ZNF793: variants seen among roughly 807,000 people sequenced by gnomAD.
The protein encoded by ZNF793 is zinc finger protein 793.
ZNF793 carries 5 observed loss-of-function variants against 12.4 expected under a neutral mutation model. The ratio of observed to expected loss-of-function variants is 0.40; its 90% CI spans 0.21 to 0.84. The LOEUF is 0.84. ZNF793 is among the 40% of genes least tolerant of loss of function. The pLI is 0.35. For synonymous variants in ZNF793, 162 were observed against 172.4 expected (o/e 0.94, Z 0.47); for missense variants, 456 against 495.0 (o/e 0.92, Z 0.75).
At chr19:37,534,476 C>G (rs1338409415) in intron 7 of ZNF793, 4 of 151,078 alleles carry the variant, frequency 2.6e-5, no homozygotes, top group Non-Finnish European at 5.9e-5. Context: ...CCTTGCTACC[C>G]CTGCCACACA....
Position 37,532,410 on chromosome 19 carries a change from C to T in ZNF793, c.70C>T (p.Arg24Trp), listed in dbSNP as rs201422659. 120 of 1,614,058 alleles carry T rather than the reference C, an allele frequency of 7.4e-5. No individual in the cohort carries two copies. The Admixed American group carries it at 1.3e-3, about 17-fold the overall frequency. The change falls in exon 6 of 8, where the codon CGG (arginine) becomes TGG (tryptophan). Residue 24 changes from arginine (R) to tryptophan (W), a missense_variant. Transcript: ENST00000627814. The stretch of plus-strand genomic sequence containing the variant: ...GGGCTTCACCCAAGAGGAGTGGCAC[C>T]GGCTGAGTCCTGCTCAGAGGGCCCT... ...VVGFTQEEWHRLSPAQRALYR... is the reference protein window; with the variant it reads ...VVGFTQEEWHWLSPAQRALYR...
chr19:37,532,520 G>A (rs750714541), intron 6 of ZNF793, 38 bp downstream of exon 6: 6 of 1,523,494 alleles, frequency 3.9e-6, no homozygotes, highest in East Asian at 2.4e-5. Context: ...GATTATGTTC[G>A]AATGACCACC....
intron 2 of ZNF793, among the ~76,000 whole-genome samples, chr19:37,515,164 GA>G (rs2042321217): frequency 4.6e-5 from 7 of 152,072 alleles, no homozygotes. Flanking sequence ...GACAAGACAA[GA>G]AAAAACTGTA....
chr19:37,524,449 C>G (rs2042398536), intron 5 of ZNF793, among the ~76,000 whole-genome samples: 1 of 152,068 alleles, frequency 6.6e-6, no homozygotes, highest in Admixed American at 6.6e-5. Context: ...AGTAGTGATG[C>G]AAGGAACATT....
At chr19:37,531,605 T>C (rs956052167) in intron 5 of ZNF793, among the ~76,000 whole-genome samples, 2 of 152,256 alleles carry the variant, frequency 1.3e-5, no homozygotes, top group Admixed American at 6.5e-5. Context: ...CAGTTTTCCA[T>C]CTTCCTGCGG....
intron 2 of ZNF793, among the ~76,000 whole-genome samples, chr19:37,515,905 T>C (rs528856218): frequency 6.6e-6 from 1 of 152,048 alleles, no homozygotes; most frequent in East Asian, 1.9e-4. Context: ...TTGCCCCAAA[T>C]TGTAACAGAA....
intron 3 of ZNF793, among the ~76,000 whole-genome samples, chr19:37,521,969 G>C (rs1034976236): frequency 6.6e-6 from 1 of 151,892 alleles, no homozygotes; most frequent in African/African-American, 2.4e-5. Context: ...TTGCAGACAT[G>C]ATGCTCCTTT....
At chr19:37,506,471 C>T (rs879718268), upstream of ZNF793, 5 of 152,258 alleles carry the variant, frequency 3.3e-5, no homozygotes, top group Admixed American at 3.3e-4. Flanking sequence ...TCGCTGCTCT[C>T]TAACTCCTAG....
intron 2 of ZNF793, among the ~76,000 whole-genome samples, chr19:37,509,171 G>A (rs79089337): frequency 0.027 from 4,053 of 152,260 alleles, 229 homozygotes; most frequent in East Asian, 0.18. Flanking sequence ...TGGGCTTTTA[G>A]TGTAACTATC....
chr19:37,514,770 G>A (rs2042318558), intron 2 of ZNF793, among the ~76,000 whole-genome samples: 1 of 151,946 alleles, frequency 6.6e-6, no homozygotes, highest in Non-Finnish European at 1.5e-5. Context: ...TGTAAAATTA[G>A]CAATATGTTA....
At position 37,543,187 on chromosome 19, in the gene ZNF793, GA is replaced by G. The variant is rs753611587; in HGVS notation, c.*5310del. 6.6e-5 allele frequency: 10 copies of G among 152,220 alleles called. No individual in the cohort carries two copies. The East Asian group carries it at 1.2e-3, about 18-fold the overall frequency. 9.4% of individuals were successfully genotyped at this position (152,220 alleles called of 1,614,324 possible). On this transcript the variant is annotated 3_prime_UTR_variant, in exon 8 of 8. Coordinates refer to ENST00000627814, the MANE Select transcript of ZNF793 (RefSeq NM_001013659.3). ...TATATGAACATAGAAAAGTGTAGAA[GA>G]ATACACACGAAGGTGTTAACATTCA...
intron 5 of ZNF793, among the ~76,000 whole-genome samples, chr19:37,527,098 C>G (rs1054016753): frequency 6.6e-6 from 1 of 152,208 alleles, no homozygotes; most frequent in Non-Finnish European, 1.5e-5. Flanking sequence ...TAGGCATGCA[C>G]CATCACGCCC....
At chr19:37,518,100 C>T (rs962768522) in intron 2 of ZNF793, among the ~76,000 whole-genome samples, 6 of 152,000 alleles carry the variant, frequency 3.9e-5, no homozygotes, top group East Asian at 1.9e-4. Flanking sequence ...AGTTCCAAGT[C>T]GGAGTACACC....
At chr19:37,536,793 A>G (rs1006268471) in intron 7 of ZNF793, 104 bp from the exon 8 acceptor site, 5 of 1,310,152 alleles carry the variant, frequency 3.8e-6, no homozygotes, top group Admixed American at 2.9e-5. Flanking sequence ...GCTTTGGGTT[A>G]TGGTTCATGT....
intron 2 of ZNF793, among the ~76,000 whole-genome samples, chr19:37,511,508 T>C (rs1482765997): frequency 6.6e-6 from 1 of 151,922 alleles, no homozygotes; most frequent in East Asian, 1.9e-4. Flanking sequence ...CCATCTCTAC[T>C]AAAAATACAA....
chr19:37,532,446 G>T lies in ZNF793; in HGVS notation c.106G>T (p.Val36Leu). The change falls in exon 6 of 8, where the codon GTG becomes TTG. Residue 36 changes from valine (V) to leucine (L), a missense_variant. Coordinates refer to ENST00000627814, the MANE Select transcript of ZNF793 (RefSeq NM_001013659.3). ...TGCTCAGAGGGCCCTGTACCGGGAT[G>T]TGATGCTGGAAACCTATAGCAACCT... The part of the protein sequence containing the change: ...SPAQRALYRD[V>L]MLETYSNLVS... 1.2e-6 allele frequency: 2 copies of T among 1,612,916 alleles called. No individual in the cohort carries two copies. The highest frequency in any genetic ancestry group is 2.2e-5 in the South Asian group (2 of 91,026).
intron 2 of ZNF793, among the ~76,000 whole-genome samples, chr19:37,509,445 C>T (rs1433533617): frequency 6.6e-6 from 1 of 152,052 alleles, no homozygotes. Flanking sequence ...TTTATGTAAC[C>T]TTCAGACAAA....
Position 37,539,042 on chromosome 19 carries a change from C to T in ZNF793, c.*1163C>T, listed in dbSNP as rs755038449. 1.3e-5 allele frequency: 2 copies of T among 152,130 alleles called. No individual in the cohort carries two copies. The highest frequency in any genetic ancestry group is 2.9e-5 in the Non-Finnish European group (2 of 68,034). The allele number at this position is 152,130 out of a possible 1,614,324, so 9.4% of individuals were successfully genotyped here. A position where few individuals can be genotyped will look rare whatever the true frequency, so the allele number is the denominator to read the frequency against. On this transcript the variant is annotated 3_prime_UTR_variant, in exon 8 of 8. Transcript: ENST00000627814. ...ACCTTTTTGTAATACATGTAAATGGCTATAGAGGTTGTTACTGTCCTCTGC... is the reference window on the plus strand; with the variant it reads ...ACCTTTTTGTAATACATGTAAATGGTTATAGAGGTTGTTACTGTCCTCTGC...
intron 1 of ZNF793, chr19:37,507,300 T>C (rs2042257837): frequency 6.6e-6 from 1 of 152,430 alleles, no homozygotes; most frequent in Admixed American, 6.6e-5. Context: ...ATTTTCAGGG[T>C]GCATGGGGTC....
Sources: gnomAD v4.1 joint callset for allele counts (sites outside exome capture counted in the v4.1 genomes callset) on GRCh38, gnomAD v4.1.1 for gene constraint, MANE v1.5 for transcripts, NCBI Gene and HGNC (gene_info 2026-07-23, HGNC 2026-07-21) for gene names.